The following ZFYVE28 variants were observed in gnomAD, a reference collection of about 807,000 sequenced individuals.
The protein encoded by ZFYVE28 is lateral signaling target protein 2 homolog.
ZFYVE28 carries 40 observed loss-of-function variants against 82.1 expected under a neutral mutation model. The ratio of observed to expected loss-of-function variants is 0.49; its 90% confidence interval spans 0.38 to 0.63. The LOEUF (loss-of-function observed/expected upper bound fraction) is 0.63. Among genes scored for constraint, ZFYVE28 ranks in the 30% least tolerant of loss-of-function variants. ZFYVE28 has a pLI of 0.00. For synonymous variants in ZFYVE28, 612 were observed against 546.1 expected, an observed-to-expected ratio of 1.12 and a Z score of -1.68; for missense variants, 1,321 against 1,242.1, an observed-to-expected ratio of 1.06 and a Z score of -0.96.
Position 2,270,823 on chromosome 4 carries a change from G to C in ZFYVE28, c.2566C>G (p.Pro856Ala). 2 of 1,613,032 alleles carry C rather than the reference G, an allele frequency of 1.2e-6. No individual in the cohort carries two copies. The highest frequency in any genetic ancestry group is 1.7e-6 in the Non-Finnish European group (2 of 1,179,934). ...FCSRCSSHSA[P>A]LPRYGQVKPV... ...TTCACCTGCCCGTAGCGGGGCAGCG[G>C]TGCTGAGTGCGAGGAGCAGCGCGAG... The change falls in exon 13 of 13, where the codon CCG becomes GCG. Residue 856 changes from proline (P) to alanine (A), a missense_variant. Pro to Ala is a conservative substitution (Grantham distance 27). Coordinates refer to ENST00000290974, the MANE Select transcript of ZFYVE28 (RefSeq NM_020972.3).
chr4:2,356,794 G>A (rs1024040872), intron 1 of ZFYVE28, among the ~76,000 whole-genome samples: 2 of 152,220 alleles, frequency 1.3e-5, no homozygotes, highest in East Asian at 1.9e-4. Flanking sequence ...CCCAAGGCCC[G>A]AGCCCCAGGG....
chr4:2,292,113 G>C (rs1443719891), intron 8 of ZFYVE28, among the ~76,000 whole-genome samples: 3 of 152,214 alleles, frequency 2.0e-5, no homozygotes, highest in Non-Finnish European at 4.4e-5. Flanking sequence ...GGGCTGGGAG[G>C]ACACCATGCT....
intron 1 of ZFYVE28, among the ~76,000 whole-genome samples, chr4:2,385,973 A>C (rs1285881249): frequency 6.6e-6 from 1 of 152,222 alleles, no homozygotes. Context: ...CTCTCATCCC[A>C]GGGCAGAGCC....
intron 1 of ZFYVE28, among the ~76,000 whole-genome samples, chr4:2,411,753 A>G (rs116360101): frequency 0.021 from 3,265 of 152,200 alleles, 126 homozygotes; most frequent in African/African-American, 0.074. Context: ...TGACCCTCAC[A>G]CCTCAGTGCC....
intron 1 of ZFYVE28, among the ~76,000 whole-genome samples, chr4:2,389,606 T>TC (rs1374420310): frequency 6.6e-6 from 1 of 152,138 alleles, no homozygotes; most frequent in Non-Finnish European, 1.5e-5. Flanking sequence ...AGGCTTTGCA[T>TC]CCCCCAGGAC....
intron 2 of ZFYVE28, among the ~76,000 whole-genome samples, chr4:2,346,583 A>G (rs957166201): frequency 6.6e-6 from 1 of 152,180 alleles, no homozygotes; most frequent in Non-Finnish European, 1.5e-5. Context: ...CAAAAGTAAA[A>G]TGTATGGCAA....
rs917583224 is a variant in ZFYVE28, at chr4:2,341,722, T to C, written c.181-107A>G. ...TGCATGTGACTGTTTTTTAGGATTATTAAAGTGATAGAGGAGGCTAGGCAC... is the reference window on the plus strand; with the variant it reads ...TGCATGTGACTGTTTTTTAGGATTACTAAAGTGATAGAGGAGGCTAGGCAC... On this transcript the variant is annotated intron_variant, in intron 2 of 12. Transcript: ENST00000290974. This position sits in a 1 kb window ranked among gnomAD's most constrained non-coding sequence, Gnocchi z 4.5. The C allele has an allele frequency of 2.7e-6, 4 of 1,486,160 alleles. No homozygotes were observed. Among genetic ancestry groups the C allele is most frequent in the Non-Finnish European group, 3.7e-6 (4 of 1,093,998 alleles). The allele number at this position is 1,486,160 out of a possible 1,614,324, so 92.1% of individuals were successfully genotyped here.
At chr4:2,401,798 T>C (rs1288281061) in intron 1 of ZFYVE28, among the ~76,000 whole-genome samples, 2 of 152,154 alleles carry the variant, frequency 1.3e-5, no homozygotes, top group Non-Finnish European at 2.9e-5. Flanking sequence ...TCTTCATCCA[T>C]CAGCAGCAAA....
rs901149613 is a variant in ZFYVE28 at position 2,320,011 on chromosome 4, T to A, written c.803+159A>T. The stretch of plus-strand genomic sequence containing the variant: ...AAAAGCCAGGACTCTGTGACCCCCA[T>A]GGGTCGTTTGTGACCCCTCCCTAGG... On this transcript the variant is annotated intron_variant, in intron 7 of 12. Transcript: ENST00000290974. The surrounding 1 kb of genome is among the most constrained non-coding windows in gnomAD (Gnocchi z 5.1). Among the ~76,000 whole-genome samples the A allele has an allele frequency of 5.3e-5, 8 of 152,210 alleles. No individual in the cohort carries two copies. The highest frequency in any genetic ancestry group is 2.0e-4 in the Admixed American group (3 of 15,292).
intron 1 of ZFYVE28, among the ~76,000 whole-genome samples, chr4:2,386,606 G>GCT (rs1472371535): frequency 1.8e-4 from 27 of 152,254 alleles, no homozygotes; most frequent in Admixed American, 9.8e-4. Flanking sequence ...AGCTACCTTG[G>GCT]CTCTCTCTCC....
Position 2,401,821 on chromosome 4 carries a change from C to T in ZFYVE28, c.39+16464G>A, listed in dbSNP as rs78359073. ...CATCAGCAGCAAAACCCTCGGGGGT[C>T]CCAGTGGTAGCGGGGGTCCCGGCCC... On this transcript the variant is annotated intron_variant, in intron 1 of 12. Coordinates refer to ENST00000290974, the MANE Select transcript of ZFYVE28 (RefSeq NM_020972.3). 2.6e-3 allele frequency among the ~76,000 whole-genome samples: 391 copies of T among 152,306 alleles called. 8 individuals carry two copies. The East Asian group carries it at 0.061, about 24-fold the overall frequency.
chr4:2,380,534 G>T (rs528372864), intron 1 of ZFYVE28, among the ~76,000 whole-genome samples: 13 of 152,336 alleles, frequency 8.5e-5, no homozygotes, highest in African/African-American at 2.6e-4. Flanking sequence ...TGAAGGATTT[G>T]TCATTGGCAT....
intron 8 of ZFYVE28, among the ~76,000 whole-genome samples, chr4:2,296,993 G>T (rs761220714): frequency 6.6e-6 from 1 of 152,228 alleles, no homozygotes; most frequent in African/African-American, 2.4e-5. Context: ...TGGGCTTCCG[G>T]GCCACCGAGG....
chr4:2,343,512 A>G (rs1723105650), intron 2 of ZFYVE28: 1 of 152,252 alleles, frequency 6.6e-6, no homozygotes, highest in Non-Finnish European at 1.5e-5. Context: ...TTCAACCAAT[A>G]AGTGGGACTA....
At position 2,283,129 on chromosome 4, in the gene ZFYVE28, C is replaced by T. The variant is rs76131876; in HGVS notation, c.2052-8913G>A. 3.3e-4 allele frequency among the ~76,000 whole-genome samples: 50 copies of T among 151,750 alleles called. No homozygotes were observed. In the East Asian group the frequency reaches 9.4e-3, roughly 28 times the overall value. ...CCATCCATCCACCCACCCACCCACT[C>T]ATCCATTTACCCATCCATATATTTA... On this transcript the variant is annotated intron_variant, in intron 8 of 12. Transcript: ENST00000290974.
At chr4:2,290,627 C>T (rs1312972393) in intron 8 of ZFYVE28, among the ~76,000 whole-genome samples, 6 of 152,344 alleles carry the variant, frequency 3.9e-5, no homozygotes, top group Middle Eastern at 3.4e-3. Context: ...CAGCTGCTGA[C>T]GTCCACGGCT....
rs190908243 is a variant in ZFYVE28 at position 2,412,114 on chromosome 4, A to T, written c.39+6171T>A. The stretch of plus-strand genomic sequence containing the variant: ...GGGACCTGTAACCAGATCCACGGGG[A>T]TGCCTGAGGCGTACTAAGTCAGGGT... On this transcript the variant is annotated intron_variant, in intron 1 of 12. Transcript: ENST00000290974. Among the ~76,000 whole-genome samples, 150 of 152,268 alleles carry T rather than the reference A, an allele frequency of 9.9e-4. 2 individuals carry two copies. In the Middle Eastern group the frequency reaches 0.024, roughly 24 times the overall value.
chr4:2,285,974 T>A (rs562349919), intron 8 of ZFYVE28: 1 of 152,528 alleles, frequency 6.6e-6, no homozygotes, highest in Non-Finnish European at 1.5e-5. Flanking sequence ...TCCTCCGGTC[T>A]CAGGGTGTGG....
At chr4:2,322,059 G>C (rs181757146) in intron 6 of ZFYVE28, among the ~76,000 whole-genome samples, 202 of 152,358 alleles carry the variant, frequency 1.3e-3, no homozygotes, top group Non-Finnish European at 2.1e-3. Flanking sequence ...CCGTGTGTTA[G>C]CTTTCGCGTG....
Sources: gnomAD v4.1 joint callset for allele counts (sites outside exome capture counted in the v4.1 genomes callset) on GRCh38, gnomAD v4.1.1 for gene constraint, Gnocchi (gnomAD v3.1) non-coding constraint, MANE v1.5 for transcripts, NCBI Gene and HGNC (gene_info 2026-07-23, HGNC 2026-07-21) for gene names.